Variants in SIPA1L1 observed in about 807,000 individuals in gnomAD.
SIPA1L1 encodes the protein signal induced proliferation associated 1 like 1.
A neutral mutation model predicts 162.7 loss-of-function variants in SIPA1L1; 26 were observed. The ratio of observed to expected loss-of-function variants is 0.16; its 90% CI spans 0.12 to 0.22. The LOEUF (loss-of-function observed/expected upper bound fraction) is 0.22. Ranked by LOEUF, SIPA1L1 falls within the 10% of genes least tolerant of loss-of-function variation. SIPA1L1 has a pLI of 1.00. For missense variants in SIPA1L1, 1,874 were observed against 2,241.0 expected (o/e 0.84, Z 3.31); for synonymous variants, 829 against 837.4 (o/e 0.99, Z 0.17).
intron 9 of SIPA1L1, among the ~76,000 whole-genome samples, 153 bp downstream of exon 9, chr14:71,658,589 A>G (rs1305786500): frequency 6.6e-6 from 1 of 152,238 alleles, no homozygotes; most frequent in Non-Finnish European, 1.5e-5. Flanking sequence ...AGGAATAGCA[A>G]ATGAACTGAA....
At chr14:71,659,811 G>T (rs2043352661) in intron 9 of SIPA1L1, among the ~76,000 whole-genome samples, 1 of 152,004 alleles carries the variant, frequency 6.6e-6, no homozygotes, top group South Asian at 2.1e-4. Context: ...ATTTAATTTT[G>T]GAGTCCAATC....
intron 20 of SIPA1L1, 71 bp from the exon 21 acceptor site, chr14:71,733,595 G>A (rs1346482529): frequency 6.8e-7 from 1 of 1,476,326 alleles, no homozygotes; most frequent in Non-Finnish European, 9.3e-7. Context: ...TGTGGTAACA[G>A]GAAAGAGGTA....
In SIPA1L1 at chr14:71,413,296, T is replaced by TTTG. The variant is rs576072921; in HGVS notation, c.-465+92130_-465+92132dup. Among the ~76,000 whole-genome samples the TTTG allele has an allele frequency of 9.2e-5, 14 of 152,308 alleles. No homozygotes were observed. The East Asian group carries it at 2.3e-3, about 25-fold the overall frequency. The stretch of plus-strand genomic sequence containing the variant: ...TGATGGACCAACTCATCAAAATCAC[T>TTTG]TTGTTGTTGTTGTTGTTTTTTCTTC... On this transcript the variant is annotated intron_variant, in intron 2 of 23. Transcript: ENST00000381232.
intron 2 of SIPA1L1, among the ~76,000 whole-genome samples, chr14:71,449,683 A>G (rs1269260682): frequency 2.0e-5 from 3 of 152,270 alleles, no homozygotes; most frequent in South Asian, 4.1e-4. Context: ...TGTACGTAAC[A>G]TAAAATCACA....
intron 11 of SIPA1L1, 118 bp from the exon 12 acceptor site, chr14:71,672,230 C>A (rs2044608246): frequency 3.4e-5 from 33 of 962,066 alleles, no homozygotes; most frequent in Middle Eastern, 2.2e-4. Context: ...CCAGACTGCT[C>A]TTCAGCTGGC....
At chr14:71,576,851 G>A (rs1359532449) in intron 4 of SIPA1L1, among the ~76,000 whole-genome samples, 3 of 152,110 alleles carry the variant, frequency 2.0e-5, no homozygotes, top group Non-Finnish European at 4.4e-5. Context: ...TTGGGAAGCC[G>A]AGGCAGCTGG....
intron 15 of SIPA1L1, among the ~76,000 whole-genome samples, chr14:71,704,281 T>C (rs746957223): frequency 1.3e-5 from 2 of 152,196 alleles, no homozygotes; most frequent in Non-Finnish European, 2.9e-5. Flanking sequence ...GTACCCAATA[T>C]TGAGTATATA....
At chr14:71,486,204 A>G (rs1470928437) in intron 2 of SIPA1L1, among the ~76,000 whole-genome samples, 2 of 152,246 alleles carry the variant, frequency 1.3e-5, no homozygotes, top group African/African-American at 4.8e-5. Context: ...TACTTTAAAT[A>G]TTCTCCAGCA....
At chr14:71,608,088 G>T (rs1008176113) in intron 5 of SIPA1L1, among the ~76,000 whole-genome samples, 2 of 152,148 alleles carry the variant, frequency 1.3e-5, no homozygotes, top group Non-Finnish European at 2.9e-5. Flanking sequence ...TCCCTCCTCT[G>T]TATGGTGAGC....
At chr14:71,682,761 C>T (rs2045922217) in intron 12 of SIPA1L1, among the ~76,000 whole-genome samples, 1 of 152,168 alleles carries the variant, frequency 6.6e-6, no homozygotes, top group African/African-American at 2.4e-5. Flanking sequence ...AGTAACTTGT[C>T]TGTTTGATAT....
chr14:71,347,893 T>A (rs561988738), intron 2 of SIPA1L1, among the ~76,000 whole-genome samples: 51 of 152,330 alleles, frequency 3.3e-4, no homozygotes, highest in African/African-American at 8.7e-4. Context: ...TAGATACAGA[T>A]CTTTTATTAG....
intron 2 of SIPA1L1, among the ~76,000 whole-genome samples, chr14:71,351,861 A>G (rs1016952532): frequency 1.3e-5 from 2 of 152,126 alleles, no homozygotes; most frequent in Admixed American, 1.3e-4. Flanking sequence ...GTGTTATTCT[A>G]GCTACTGGGG....
chr14:71,588,315 A>T lies in SIPA1L1; in HGVS notation c.443A>T (p.Asn148Ile), dbSNP rs1368569665. ...TLKNKTRPSE[N>I]MDSRFLMPEA... ...AAAAACAAGACAAGACCGTCGGAGA[A>T]CATGGACTCCAGATTTCTCATGCCT... is the stretch of plus-strand genomic sequence containing the variant. The change falls in exon 5 of 24, where the codon AAC becomes ATC. Residue 148 changes from asparagine (N) to isoleucine (I), a missense_variant. By Grantham distance (149) the Asn-to-Ile change is moderately radical (BLOSUM62 -3). Coordinates refer to ENST00000381232, the MANE Select transcript of SIPA1L1 (RefSeq NM_001386936.1). The surrounding 1 kb of genome is among the most constrained non-coding windows in gnomAD (Gnocchi z 4.3). 2 of 1,613,848 alleles carry T rather than the reference A, an allele frequency of 1.2e-6. No homozygotes were observed. The highest frequency in any genetic ancestry group is 3.3e-5 in the Admixed American group (2 of 60,024).
intron 2 of SIPA1L1, among the ~76,000 whole-genome samples, chr14:71,367,397 C>T (rs1336428986): frequency 6.6e-6 from 1 of 151,256 alleles, no homozygotes; most frequent in Admixed American, 6.6e-5. Flanking sequence ...AACTCCGCCT[C>T]CCGGGTTTCT....
At chr14:71,600,146 G>A (rs907754850) in intron 5 of SIPA1L1, among the ~76,000 whole-genome samples, 3 of 151,962 alleles carry the variant, frequency 2.0e-5, no homozygotes, top group African/African-American at 7.2e-5. Flanking sequence ...TCTTGTTTTC[G>A]TTGCCTGTGC....
At position 71,661,461 on chromosome 14, in the gene SIPA1L1, G is replaced by T. The variant is rs1392958044; in HGVS notation, c.2249G>T (p.Cys750Phe). 4 of 1,613,778 alleles carry T rather than the reference G, an allele frequency of 2.5e-6. No individual in the cohort carries two copies. The highest frequency in any genetic ancestry group is 3.4e-6 in the Non-Finnish European group (4 of 1,179,800). The change falls in exon 10 of 24, where the codon TGT (cysteine) becomes TTT (phenylalanine). Residue 750 changes from cysteine to phenylalanine, a missense_variant. Cys to Phe is a radical substitution (Grantham distance 205). Around this residue, in one of 5 missense-constraint regions of SIPA1L1, gnomAD observed 243 missense variants for 315.0 expected, o/e 0.77. Transcript: ENST00000381232. ...CACAATCCGTGCTCTGACAGTGTCT[G>T]TTATAGGTGTGTATGGGTGTCACAG... ...RVHNPCSDSV[C>F]YSVAVTRSRD...
At chr14:71,479,043 C>T (rs956905407) in intron 2 of SIPA1L1, among the ~76,000 whole-genome samples, 4 of 152,166 alleles carry the variant, frequency 2.6e-5, no homozygotes, top group African/African-American at 4.8e-5. Flanking sequence ...CTAGCTAAAA[C>T]TCAGTTTGTT....
chr14:71,702,235 G>A (rs866769592), intron 14 of SIPA1L1, 146 bp from the exon 15 acceptor site: 44 of 761,936 alleles, frequency 5.8e-5, no homozygotes, highest in African/African-American at 1.4e-4. Context: ...ACGTAAACAC[G>A]AACCAGGGTG....
intron 3 of SIPA1L1, among the ~76,000 whole-genome samples, chr14:71,515,368 T>A (rs1380627963): frequency 6.6e-6 from 1 of 152,242 alleles, no homozygotes; most frequent in Non-Finnish European, 1.5e-5. Flanking sequence ...ATCTCTAGTG[T>A]ATTCTATAGC....
Sources: gnomAD v4.1 joint callset for allele counts (sites outside exome capture counted in the v4.1 genomes callset) on GRCh38, gnomAD v4.1.1 for gene constraint, gnomAD v4.1.1 regional missense constraint, Gnocchi (gnomAD v3.1) non-coding constraint, MANE v1.5 for transcripts, NCBI Gene and HGNC (gene_info 2026-07-23, HGNC 2026-07-21) for gene names.